The following LYSMD1 variants were observed in gnomAD, a reference collection of about 807,000 sequenced individuals.
LYSMD1 encodes the protein lysM and putative peptidoglycan-binding domain-containing protein 1.
LYSMD1 carries 9 observed loss-of-function variants against 19.3 expected under a neutral mutation model. The ratio of observed to expected loss-of-function variants is 0.47; its 90% CI spans 0.28 to 0.81. LYSMD1 has a LOEUF of 0.81. Among genes scored for constraint, LYSMD1 ranks in the 40% least tolerant of loss-of-function variants. LYSMD1 has a pLI of 0.11. For missense variants in LYSMD1, 262 were observed against 279.8 expected, an observed-to-expected ratio of 0.94 and a Z score of 0.45; for synonymous variants, 111 against 111.7, an observed-to-expected ratio of 0.99 and a Z score of 0.04.
chr1:151,155,505 G>A (rs1396643939), downstream of LYSMD1, among the ~76,000 whole-genome samples: 1 of 152,134 alleles, frequency 6.6e-6, no homozygotes, highest in Non-Finnish European at 1.5e-5. Flanking sequence ...GGAGACTAAG[G>A]TAGGAGGATT....
chr1:151,163,751 C>T (rs188549833), intron 1 of LYSMD1, among the ~76,000 whole-genome samples: 77 of 152,070 alleles, frequency 5.1e-4, no homozygotes, highest in African/African-American at 1.9e-3. Flanking sequence ...TGGTCCTGTA[C>T]TCCCGAGCTC....
chr1:151,151,047 C>CTTTCTTA, the LYSMD1 span, among the ~76,000 whole-genome samples: 1 of 151,586 alleles, frequency 6.6e-6, no homozygotes, highest in Admixed American at 6.6e-5. Context: ...CTAATATGAC[C>CTTTCTTA]TTTCTTAGCC....
At chr1:151,156,095 T>A (rs1158060438), downstream of LYSMD1, among the ~76,000 whole-genome samples, 1 of 95,236 alleles carries the variant, frequency 1.1e-5, no homozygotes, top group Non-Finnish European at 2.0e-5. Flanking sequence ...AGCAAAACTC[T>A]GTCTCAAAAA....
intron 1 of LYSMD1, among the ~76,000 whole-genome samples, chr1:151,162,785 C>T (rs1683498160): frequency 6.6e-6 from 1 of 152,188 alleles, no homozygotes; most frequent in Admixed American, 6.5e-5. Flanking sequence ...AAAAATCTCT[C>T]TCACATCTGG....
At chr1:151,156,449 G>C (rs1421908639), downstream of LYSMD1, among the ~76,000 whole-genome samples, 1 of 152,234 alleles carries the variant, frequency 6.6e-6, no homozygotes, top group African/African-American at 2.4e-5. Flanking sequence ...AGCAATTTGA[G>C]AGTGGAGGAT....
At chr1:151,149,780 T>C in the LYSMD1 span, among the ~76,000 whole-genome samples, 2 of 152,204 alleles carry the variant, frequency 1.3e-5, no homozygotes, top group Admixed American at 1.3e-4. Flanking sequence ...GTCCCACAGA[T>C]TGGATTGGAA....
chr1:151,151,282 C>T, the LYSMD1 span, among the ~76,000 whole-genome samples: 8 of 151,842 alleles, frequency 5.3e-5, no homozygotes, highest in South Asian at 1.0e-3. Context: ...TTCCGCCTCC[C>T]GGGTTCACAC....
chr1:151,153,316 G>A, the LYSMD1 span, among the ~76,000 whole-genome samples: 1 of 152,184 alleles, frequency 6.6e-6, no homozygotes, highest in African/African-American at 2.4e-5. Flanking sequence ...AGCAGTGTGA[G>A]CCACTGTACT....
chr1:151,158,598 TA>T, downstream of LYSMD1: 14 of 1,183,984 alleles, frequency 1.2e-5, no homozygotes, highest in Non-Finnish European at 1.7e-5. Flanking sequence ...ACATGGAAAC[TA>T]AAGAAGCAAC....
rs773420609 is a variant in LYSMD1, at chr1:151,162,085, G to A, written c.196C>T (p.Arg66Cys). The change falls in exon 2 of 3, where the codon CGT (arginine) becomes TGT (cysteine). Residue 66 changes from arginine (R) to cysteine (C), a missense_variant. By Grantham distance (180) the Arg-to-Cys change is radical. Coordinates refer to ENST00000368908, the MANE Select transcript of LYSMD1 (RefSeq NM_212551.5). ...TCATTAGTATAAAGGCGGTTTGCAC[G>A]TTTAATCTGTTCCATCTTAAAAAAA... ...KYGVTMEQIK[R>C]ANRLYTNDSI... The A allele has an allele frequency of 1.2e-5, 19 of 1,589,230 alleles. No homozygotes were observed. Among genetic ancestry groups the A allele is most frequent in the South Asian group, 3.4e-5 (3 of 87,064 alleles).
chr1:151,148,725 G>GCTT, the LYSMD1 span, among the ~76,000 whole-genome samples: 1 of 152,144 alleles, frequency 6.6e-6, no homozygotes, highest in Non-Finnish European at 1.5e-5. Context: ...GAGGGACACA[G>GCTT]CTTCAGCAAA....
Position 151,165,804 on chromosome 1 carries a change from T to C in LYSMD1, c.-546A>G, listed in dbSNP as rs774687681. On this transcript the variant is annotated 5_prime_UTR_variant, in exon 1 of 3. Transcript: ENST00000368908. ...GCATAAGATAGGTCACACCCTCAAA[T>C]TTCGGCTCCACATCTAGGTTGTTGT... 6 of 1,545,462 alleles carry C rather than the reference T, an allele frequency of 3.9e-6. No homozygotes were observed. Among genetic ancestry groups the C allele is most frequent in the East Asian group, 2.4e-5 (1 of 40,912 alleles).
intron 1 of LYSMD1, among the ~76,000 whole-genome samples, chr1:151,164,600 C>A (rs925392296): frequency 1.3e-5 from 2 of 152,140 alleles, no homozygotes; most frequent in Admixed American, 6.5e-5. Context: ...GAGAGGTGGG[C>A]ACTTTAGGAA....
downstream of LYSMD1, among the ~76,000 whole-genome samples, chr1:151,156,048 C>T (rs919396857): frequency 2.2e-5 from 3 of 134,718 alleles, no homozygotes; most frequent in Admixed American, 1.7e-4. Flanking sequence ...TGCAGTGAGC[C>T]GAGATCACCC....
the LYSMD1 span, among the ~76,000 whole-genome samples, chr1:151,149,314 T>C: frequency 6.6e-6 from 1 of 152,128 alleles, no homozygotes; most frequent in Non-Finnish European, 1.5e-5. Context: ...GGGAATTGCT[T>C]GAACTCAGGT....
intron 1 of LYSMD1, among the ~76,000 whole-genome samples, 171 bp downstream of exon 1, chr1:151,164,908 T>C (rs1683611311): frequency 6.6e-6 from 1 of 152,164 alleles, no homozygotes; most frequent in African/African-American, 2.4e-5. Context: ...TCCGTTGGAA[T>C]AGTAGGGCAG....
In LYSMD1 at chr1:151,165,416, C is replaced by G; in HGVS notation, c.-158G>C. On this transcript the variant is annotated 5_prime_UTR_variant, in exon 1 of 3. Transcript: ENST00000368908. Reference sequence around the variant, plus strand: ...TCCCCAGCACTACGCCATCTGCCCCCTCCCGGTTTCTCCTCCCTCCAAGCT... The same window carrying G: ...TCCCCAGCACTACGCCATCTGCCCCGTCCCGGTTTCTCCTCCCTCCAAGCT... 3 of 1,437,778 alleles carry G rather than the reference C, an allele frequency of 2.1e-6. No individual in the cohort carries two copies. The highest frequency in any genetic ancestry group is 1.5e-5 in the South Asian group (1 of 66,950). 89.1% of individuals were successfully genotyped at this position (1,437,778 alleles called of 1,614,324 possible).
chr1:151,155,590 C>T (rs1485586090), downstream of LYSMD1, among the ~76,000 whole-genome samples: 5 of 152,070 alleles, frequency 3.3e-5, no homozygotes, highest in East Asian at 3.9e-4. Flanking sequence ...GGCTTGTGAG[C>T]CTCTGGTCCC....
In LYSMD1 at chr1:151,159,757, C is replaced by A. The variant is rs1683365486; in HGVS notation, c.*1125G>T. 6 of 177,076 alleles carry A rather than the reference C, an allele frequency of 3.4e-5. No homozygotes were observed. Among genetic ancestry groups the A allele is most frequent in the East Asian group, 1.7e-4 (1 of 5,768 alleles). 11.0% of individuals were successfully genotyped at this position (177,076 alleles called of 1,614,324 possible). On this transcript the variant is annotated 3_prime_UTR_variant, in exon 3 of 3. Transcript: ENST00000368908. Reference sequence around the variant, plus strand: ...TAAAACTACTAAAATATGCACAGGGCTCAATGTTTAATCTGTCCAGCTTCG... The same window carrying A: ...TAAAACTACTAAAATATGCACAGGGATCAATGTTTAATCTGTCCAGCTTCG...
Sources: allele counts gnomAD v4.1 joint callset (sites outside exome capture counted in the v4.1 genomes callset), GRCh38; gene constraint gnomAD v4.1.1; transcripts MANE v1.5; gene names NCBI Gene and HGNC (gene_info 2026-07-23, HGNC 2026-07-21).